Variants in SNX29 observed in about 807,000 individuals in gnomAD.
The protein encoded by SNX29 is sorting nexin-29.
Under a neutral mutation model 102.1 loss-of-function variants are expected in SNX29, and 78 were observed. The observed-to-expected ratio is 0.76, with a 90% CI of 0.64 to 0.92. The LOEUF (loss-of-function observed/expected upper bound fraction) is 0.92, where lower values mean the gene tolerates loss of function less well. Among genes scored for constraint, SNX29 ranks in the 40% least tolerant of loss-of-function variants. SNX29 has a pLI of 0.00. For synonymous variants in SNX29, 580 were observed against 414.5 expected (o/e 1.40, Z -4.85); for missense variants, 1,280 against 1,061.7 (o/e 1.21, Z -2.86).
intron 11 of SNX29, among the ~76,000 whole-genome samples, chr16:12,120,041 G>A (rs1304142808): frequency 6.6e-6 from 1 of 152,168 alleles, no homozygotes; most frequent in Non-Finnish European, 1.5e-5. Flanking sequence ...CTCTGGGTGG[G>A]CTAGGGGAGG....
At chr16:12,477,643 G>A (rs2087717173) in intron 18 of SNX29, 76 bp from the exon 19 acceptor site, 1 of 1,558,788 alleles carries the variant, frequency 6.4e-7, no homozygotes, top group Non-Finnish European at 8.7e-7. Context: ...TGGTTTTCAT[G>A]GGGAAAGCAT....
chr16:12,555,949 A>G (rs1294516491), intron 20 of SNX29, among the ~76,000 whole-genome samples: 1 of 151,964 alleles, frequency 6.6e-6, no homozygotes, highest in Non-Finnish European at 1.5e-5. Context: ...ACATCACACC[A>G]ACTTGTAACA....
rs2079146083 is a variant in SNX29, at chr16:12,569,742, C to A, written c.*1113C>A. 4.3e-6 allele frequency: 1 copy of A among 230,690 alleles called. No individual in the cohort carries two copies. Among genetic ancestry groups the A allele is most frequent in the Non-Finnish European group, 8.6e-6 (1 of 116,450 alleles). 14.3% of individuals were successfully genotyped at this position (230,690 alleles called of 1,614,324 possible). On this transcript the variant is annotated 3_prime_UTR_variant, in exon 21 of 21. Coordinates refer to ENST00000566228, the MANE Select transcript of SNX29 (RefSeq NM_032167.5). Reference sequence around the variant, plus strand: ...AGCAGCTGGGCAGCCCCCAGGGCTCCTCCTCCAGTGAGCTCACATCAGAGC... The same window carrying A: ...AGCAGCTGGGCAGCCCCCAGGGCTCATCCTCCAGTGAGCTCACATCAGAGC...
intron 13 of SNX29, among the ~76,000 whole-genome samples, chr16:12,186,624 G>A (rs2076517189): frequency 6.6e-6 from 1 of 152,158 alleles, no homozygotes; most frequent in South Asian, 2.1e-4. Flanking sequence ...ACTGAGTTGG[G>A]ATCCAGTCCA....
intron 15 of SNX29, among the ~76,000 whole-genome samples, chr16:12,282,799 G>A (rs539009896): frequency 2.2e-4 from 33 of 152,172 alleles, no homozygotes; most frequent in Non-Finnish European, 4.4e-4. Context: ...GGAATTACAG[G>A]TGCCCACCAC....
intron 13 of SNX29, among the ~76,000 whole-genome samples, chr16:12,166,933 C>A (rs561011158): frequency 3.9e-5 from 6 of 152,330 alleles, no homozygotes; most frequent in African/African-American, 1.4e-4. Context: ...AATGCTCCGT[C>A]TTTGCTTTGG....
chr16:11,999,024 G>A (rs1226289069), intron 1 of SNX29, among the ~76,000 whole-genome samples: 1 of 152,206 alleles, frequency 6.6e-6, no homozygotes, highest in African/African-American at 2.4e-5. Flanking sequence ...TAGAGGCCAT[G>A]GATGCAGCTA....
At chr16:12,563,980 TCCCTCTGCCCCTGCAGCA>T (rs1316881513) in intron 20 of SNX29, among the ~76,000 whole-genome samples, 1 of 141,740 alleles carries the variant, frequency 7.1e-6, no homozygotes, top group Non-Finnish European at 1.5e-5. Flanking sequence ...CAGATAAGGT[TCCCTCTGCCCCTGCAGCA>T]CCCTCTTCCC....
chr16:12,548,301 C>T (rs908026451), intron 20 of SNX29, among the ~76,000 whole-genome samples: 1 of 152,134 alleles, frequency 6.6e-6, no homozygotes, highest in African/African-American at 2.4e-5. Flanking sequence ...GCTACTGTCC[C>T]TGGAGCCCTA....
intron 14 of SNX29, among the ~76,000 whole-genome samples, chr16:12,231,153 G>A (rs1409810293): frequency 6.6e-6 from 1 of 152,024 alleles, no homozygotes; most frequent in Non-Finnish European, 1.5e-5. Flanking sequence ...GTGCCCTGCC[G>A]GTAATAAGTC....
chr16:12,527,196 G>T, intron 20 of SNX29: 1 of 533,302 alleles, frequency 1.9e-6, no homozygotes, highest in East Asian at 4.0e-5. Context: ...CGGAATGTAC[G>T]GATTGTTTCA....
intron 13 of SNX29, among the ~76,000 whole-genome samples, chr16:12,185,643 A>G (rs1465108712): frequency 6.6e-6 from 1 of 152,176 alleles, no homozygotes; most frequent in Non-Finnish European, 1.5e-5. Flanking sequence ...TCCTTACTGC[A>G]TTCGCAGTCC....
chr16:12,518,569 C>G (rs1231504127), intron 19 of SNX29, among the ~76,000 whole-genome samples: 1 of 152,196 alleles, frequency 6.6e-6, no homozygotes, highest in Non-Finnish European at 1.5e-5. Flanking sequence ...AGCCCTCCTG[C>G]AAACGTAGAT....
intron 3 of SNX29, among the ~76,000 whole-genome samples, chr16:12,010,140 T>A (rs773110846): frequency 1.3e-5 from 2 of 152,238 alleles, no homozygotes; most frequent in Non-Finnish European, 2.9e-5. Context: ...TCAGTTCATG[T>A]GCAACCCTTA....
intron 1 of SNX29, among the ~76,000 whole-genome samples, chr16:11,991,225 C>T (rs2055835568): frequency 1.3e-5 from 2 of 152,210 alleles, no homozygotes; most frequent in Admixed American, 1.3e-4. Flanking sequence ...TGTGTGTATC[C>T]TGTAATACTA....
At chr16:12,467,611 T>C (rs1375941877) in intron 18 of SNX29, among the ~76,000 whole-genome samples, 4 of 136,646 alleles carry the variant, frequency 2.9e-5, no homozygotes, top group East Asian at 2.5e-4. Flanking sequence ...TTTGTTCGTT[T>C]GTTCGTTCGT....
chr16:12,294,695 C>T (rs546485965), intron 15 of SNX29, among the ~76,000 whole-genome samples: 1 of 152,252 alleles, frequency 6.6e-6, no homozygotes, highest in East Asian at 1.9e-4. Context: ...TCAGACCTGC[C>T]TATGTCCCCA....
At chr16:12,239,279 A>G (rs1162386475) in intron 14 of SNX29, among the ~76,000 whole-genome samples, 1 of 152,092 alleles carries the variant, frequency 6.6e-6, no homozygotes, top group East Asian at 1.9e-4. Context: ...TGTACCTGAC[A>G]TGTATTAGAG....
chr16:12,530,406 A>T (rs185559530), intron 20 of SNX29, among the ~76,000 whole-genome samples: 2 of 152,290 alleles, frequency 1.3e-5, no homozygotes, highest in East Asian at 1.9e-4. Context: ...TACAGAAAGA[A>T]GATGAGGAAG....
Sources: gnomAD v4.1 joint callset for allele counts (sites outside exome capture counted in the v4.1 genomes callset) on GRCh38, gnomAD v4.1.1 for gene constraint, MANE v1.5 for transcripts, NCBI Gene and HGNC (gene_info 2026-07-23, HGNC 2026-07-21) for gene names.